PITPNM2: variants seen among roughly 807,000 people sequenced by gnomAD.
PITPNM2 encodes the protein membrane-associated phosphatidylinositol transfer protein 2.
PITPNM2 carries 35 observed loss-of-function variants against 132.2 expected under a neutral mutation model. That is an observed-to-expected ratio of 0.26 (90% CI 0.20 to 0.35). The LOEUF (loss-of-function observed/expected upper bound fraction) is 0.35. Ranked by LOEUF, PITPNM2 falls within the 10% of genes least tolerant of loss-of-function variation. The pLI, the probability that PITPNM2 is intolerant of heterozygous loss-of-function variation, is 1.00. For missense variants in PITPNM2, 1,332 were observed against 1,912.0 expected, an observed-to-expected ratio of 0.70 and a Z score of 5.66; for synonymous variants, 738 against 799.2, an observed-to-expected ratio of 0.92 and a Z score of 1.29.
intron 3 of PITPNM2, among the ~76,000 whole-genome samples, chr12:123,020,821 G>A (rs1423825292): frequency 2.6e-5 from 4 of 151,716 alleles, no homozygotes; most frequent in Admixed American, 6.6e-5. Flanking sequence ...TCAGGAGTTC[G>A]AGACTAGCCT....
At chr12:123,032,436 T>C (rs2040126671) in intron 3 of PITPNM2, among the ~76,000 whole-genome samples, 1 of 152,144 alleles carries the variant, frequency 6.6e-6, no homozygotes. Flanking sequence ...GAGATCACGA[T>C]GCTGCACTCC....
chr12:123,034,391 C>T lies in PITPNM2; in HGVS notation c.78+122G>A, dbSNP rs2040201654. 6 of 890,604 alleles carry T rather than the reference C, an allele frequency of 6.7e-6. No individual in the cohort carries two copies. In the East Asian group the frequency reaches 1.5e-4, roughly 22 times the overall value. 55.2% of individuals were successfully genotyped at this position (890,604 alleles called of 1,614,324 possible). A position where few individuals can be genotyped will look rare whatever the true frequency, so the allele number is the denominator to read the frequency against. On this transcript the variant is annotated intron_variant, in intron 3 of 25. Coordinates refer to ENST00000320201, the MANE Select transcript of PITPNM2 (RefSeq NM_020845.3). ...GGGGTCCAGCACAATTCACACTTAC[C>T]AGGAAGTTCTGGGGCAGGCACTGCA...
chr12:123,151,584 G>A (rs1338465123), upstream of PITPNM2, among the ~76,000 whole-genome samples: 1 of 152,126 alleles, frequency 6.6e-6, no homozygotes, highest in South Asian at 2.1e-4. Flanking sequence ...CAGGACGCCC[G>A]GGCCGCGGCC....
intron 2 of PITPNM2, among the ~76,000 whole-genome samples, chr12:123,069,544 T>G (rs1218228575): frequency 6.6e-6 from 1 of 151,842 alleles, no homozygotes; most frequent in Non-Finnish European, 1.5e-5. Context: ...ATGGCCAGAG[T>G]CCTCTGTGCT....
intron 1 of PITPNM2, among the ~76,000 whole-genome samples, chr12:123,123,633 T>G (rs2137462956): frequency 6.6e-6 from 1 of 151,964 alleles, no homozygotes; most frequent in East Asian, 1.9e-4. Context: ...AAAAAAAAAT[T>G]AAATTAAATT....
chr12:123,038,976 G>A (rs1020423628), intron 2 of PITPNM2, among the ~76,000 whole-genome samples: 7 of 151,808 alleles, frequency 4.6e-5, no homozygotes, highest in African/African-American at 1.2e-4. Flanking sequence ...TGGGCAAGGC[G>A]GCAGACACCT....
intron 2 of PITPNM2, among the ~76,000 whole-genome samples, chr12:123,041,539 C>T (rs965462764): frequency 2.0e-5 from 3 of 152,164 alleles, no homozygotes; most frequent in South Asian, 2.1e-4. Context: ...TGTGTGTCTG[C>T]CTCTCCCTGG....
Position 123,147,861 on chromosome 12 carries a change from C to T in PITPNM2, c.-200+2892G>A, listed in dbSNP as rs535346177. Among the ~76,000 whole-genome samples the T allele has an allele frequency of 2.1e-4, 32 of 152,334 alleles. No individual in the cohort carries two copies. The South Asian group carries it at 5.0e-3, about 24-fold the overall frequency. Reference sequence around the variant, plus strand: ...GGGGAAGAATACAACCTACCCTGCACAGTGTGTCAGGGAGGCCCAAGCACA... The same window carrying T: ...GGGGAAGAATACAACCTACCCTGCATAGTGTGTCAGGGAGGCCCAAGCACA... On this transcript the variant is annotated intron_variant, in intron 1 of 25. Transcript: ENST00000320201.
rs2041813086 is a variant in PITPNM2, at chr12:123,077,074, A to T, written c.-96+33311T>A. On this transcript the variant is annotated intron_variant, in intron 2 of 25. Transcript: ENST00000320201. The surrounding 1 kb of genome is among the most constrained non-coding windows in gnomAD (Gnocchi z 4.8). ...GTCATTCTGAATGCATCTACTGGGGATGGGGAAGAAATGATGCAGAATGTT... is the reference window on the plus strand; with the variant it reads ...GTCATTCTGAATGCATCTACTGGGGTTGGGGAAGAAATGATGCAGAATGTT... Among the ~76,000 whole-genome samples, 1 of 152,060 alleles carries T rather than the reference A, an allele frequency of 6.6e-6. No homozygotes were observed. Among genetic ancestry groups the T allele is most frequent in the South Asian group, 2.1e-4 (1 of 4,814 alleles).
chr12:123,027,368 G>T (rs1328972087), intron 3 of PITPNM2, among the ~76,000 whole-genome samples: 1 of 152,182 alleles, frequency 6.6e-6, no homozygotes, highest in African/African-American at 2.4e-5. Context: ...AGGGTGGAGA[G>T]CATGTAACCT....
rs567609718 is a variant in PITPNM2, at chr12:123,022,959, C to T, written c.79-8917G>A. On this transcript the variant is annotated intron_variant, in intron 3 of 25. Transcript: ENST00000320201. This position sits in a 1 kb window ranked among gnomAD's most constrained non-coding sequence, Gnocchi z 4.9. ...AGAGCCCCGCTGGGACCAAGCAAGGCGGGCTGTGCTCTGCTTGTTCTCCCA... is the reference window on the plus strand; with the variant it reads ...AGAGCCCCGCTGGGACCAAGCAAGGTGGGCTGTGCTCTGCTTGTTCTCCCA... Among the ~76,000 whole-genome samples, 35 of 152,342 alleles carry T rather than the reference C, an allele frequency of 2.3e-4. No homozygotes were observed. The highest frequency in any genetic ancestry group is 6.0e-4 in the African/African-American group (25 of 41,586).
intron 1 of PITPNM2, among the ~76,000 whole-genome samples, chr12:123,144,061 T>C (rs1422372238): frequency 6.6e-6 from 1 of 152,228 alleles, no homozygotes; most frequent in Non-Finnish European, 1.5e-5. Flanking sequence ...CATGGTGCTT[T>C]CAAATTCATT....
chr12:123,123,657 G>A (rs531231604), intron 1 of PITPNM2, among the ~76,000 whole-genome samples: 1 of 151,868 alleles, frequency 6.6e-6, no homozygotes, highest in South Asian at 2.1e-4. Flanking sequence ...TTTTTAGGCC[G>A]GGAGCATTGG....
intron 1 of PITPNM2, among the ~76,000 whole-genome samples, chr12:123,146,161 G>A (rs1456166710): frequency 1.3e-5 from 2 of 152,144 alleles, no homozygotes; most frequent in African/African-American, 4.8e-5. Flanking sequence ...TTGGAGGGTG[G>A]AGGGTGGGAG....
chr12:123,002,654 G>A (rs1440774682), intron 8 of PITPNM2, among the ~76,000 whole-genome samples: 1 of 152,182 alleles, frequency 6.6e-6, no homozygotes, highest in Non-Finnish European at 1.5e-5. Flanking sequence ...CTGGGCTTAA[G>A]CGATCCCAAA....
At chr12:123,072,140 G>A (rs1253184334) in intron 2 of PITPNM2, among the ~76,000 whole-genome samples, 1 of 152,218 alleles carries the variant, frequency 6.6e-6, no homozygotes, top group African/African-American at 2.4e-5. Flanking sequence ...GGCACAGGGT[G>A]ACAGGAAAAG....
intron 2 of PITPNM2, among the ~76,000 whole-genome samples, chr12:123,045,867 G>A (rs1291596660): frequency 6.6e-6 from 1 of 152,018 alleles, no homozygotes; most frequent in Non-Finnish European, 1.5e-5. Context: ...GGTACCAAAG[G>A]CGCACCAGCC....
chr12:123,045,325 T>C (rs929669964), intron 2 of PITPNM2, among the ~76,000 whole-genome samples: 1 of 152,184 alleles, frequency 6.6e-6, no homozygotes, highest in Non-Finnish European at 1.5e-5. Flanking sequence ...GTTTCCATTG[T>C]CTCACCTCCT....
rs1181680942 is a variant in PITPNM2 at position 123,031,354 on chromosome 12, G to C, written c.78+3159C>G. Among the ~76,000 whole-genome samples the C allele has an allele frequency of 1.3e-5, 2 of 152,184 alleles. No homozygotes were observed. The highest frequency in any genetic ancestry group is 1.9e-4 in the East Asian group (1 of 5,202). On this transcript the variant is annotated intron_variant, in intron 3 of 25. Coordinates refer to ENST00000320201, the MANE Select transcript of PITPNM2 (RefSeq NM_020845.3). This position sits in a 1 kb window ranked among gnomAD's most constrained non-coding sequence, Gnocchi z 4.5. Reference sequence around the variant, plus strand: ...AGCTCATTTTGTTGGAGCTCGGACTGGGGGCTGTGGAGGCCAGAACCCAGC... The same window carrying C: ...AGCTCATTTTGTTGGAGCTCGGACTCGGGGCTGTGGAGGCCAGAACCCAGC...
Sources: allele counts gnomAD v4.1 joint callset (sites outside exome capture counted in the v4.1 genomes callset), GRCh38; gene constraint gnomAD v4.1.1; non-coding constraint Gnocchi (gnomAD v3.1); transcripts MANE v1.5; gene names NCBI Gene and HGNC (gene_info 2026-07-23, HGNC 2026-07-21).